The following UFSP2 variants were observed in gnomAD, a reference collection of about 807,000 sequenced individuals.
The protein encoded by UFSP2 is UFM1 specific peptidase 2.
UFSP2 carries 43 observed loss-of-function variants against 60.2 expected under a neutral mutation model. The observed-to-expected ratio is 0.71, with a 90% confidence interval of 0.56 to 0.92. The LOEUF is 0.92. Among genes scored for constraint, UFSP2 ranks in the 40% least tolerant of loss-of-function variants. The pLI is 0.00. For missense variants in UFSP2, 520 were observed against 575.0 expected, an observed-to-expected ratio of 0.90 and a Z score of 0.98; for synonymous variants, 183 against 195.1, an observed-to-expected ratio of 0.94 and a Z score of 0.52.
chr4:185,420,161 C>CT (rs2095546757), intron 2 of UFSP2, among the ~76,000 whole-genome samples: 1 of 126,446 alleles, frequency 7.9e-6, no homozygotes, highest in South Asian at 2.9e-4. Flanking sequence ...AATCAAAGCT[C>CT]TGTGTTCTAA....
intron 2 of UFSP2, among the ~76,000 whole-genome samples, chr4:185,419,348 T>A (rs540112222): frequency 9.5e-4 from 144 of 152,286 alleles, no homozygotes; most frequent in Non-Finnish European, 1.6e-3. Context: ...GCCAGGATGG[T>A]CTCGATCTCC....
At position 185,415,952 on chromosome 4, in the gene UFSP2, A is replaced by G. The variant is rs145749307; in HGVS notation, c.334-85T>C. On this transcript the variant is annotated intron_variant, in intron 4 of 11. Transcript: ENST00000264689. ...AAGTAAAAAGACTTTTCAAAAATGT[A>G]TTTATTATTAAGAAAAAAATTTAAG... The G allele has an allele frequency of 2.9e-5, 35 of 1,195,684 alleles. No individual in the cohort carries two copies. The African/African-American group carries it at 5.2e-4, about 18-fold the overall frequency. 74.1% of individuals were successfully genotyped at this position (1,195,684 alleles called of 1,614,324 possible). A position where few individuals can be genotyped will look rare whatever the true frequency, so the allele number is the denominator to read the frequency against.
At chr4:185,401,704 T>A (rs1334602784) in intron 11 of UFSP2, among the ~76,000 whole-genome samples, 1 of 152,182 alleles carries the variant, frequency 6.6e-6, no homozygotes, top group East Asian at 1.9e-4. Flanking sequence ...TTCTTGTGTA[T>A]ACAAATAGAG....
chr4:185,422,988 A>AT (rs1370628530), intron 1 of UFSP2, among the ~76,000 whole-genome samples: 1 of 152,168 alleles, frequency 6.6e-6, no homozygotes, highest in African/African-American at 2.4e-5. Context: ...CCTCCCATGT[A>AT]GCTGAGATTA....
rs2095519970 is a variant in UFSP2 at position 185,406,017 on chromosome 4, C to T, written c.1122-161G>A. 4 of 1,458,222 alleles carry T rather than the reference C, an allele frequency of 2.7e-6. No homozygotes were observed. The East Asian group carries it at 7.6e-5, about 28-fold the overall frequency. The allele number at this position is 1,458,222 out of a possible 1,614,324, so 90.3% of individuals were successfully genotyped here. A position where few individuals can be genotyped will look rare whatever the true frequency, so the allele number is the denominator to read the frequency against. ...TGTTAGGGAACTGAGAGCAATTAAA[C>T]TGTGCAATTTAAAGCAACATAAACT... On this transcript the variant is annotated intron_variant, in intron 9 of 11. Transcript: ENST00000264689.
chr4:185,404,199 T>TC (rs1156906185), intron 10 of UFSP2, among the ~76,000 whole-genome samples: 1 of 150,658 alleles, frequency 6.6e-6, no homozygotes, highest in African/African-American at 2.4e-5. Flanking sequence ...CATAAACTCC[T>TC]CCCAACAGAG....
intron 2 of UFSP2, among the ~76,000 whole-genome samples, chr4:185,419,854 T>C (rs1417230410): frequency 6.6e-6 from 1 of 152,248 alleles, no homozygotes; most frequent in African/African-American, 2.4e-5. Flanking sequence ...GGCTATCATA[T>C]ATATGCTGCC....
chr4:185,400,551 G>A, intron 11 of UFSP2, 73 bp from the exon 12 acceptor site: 3 of 1,124,268 alleles, frequency 2.7e-6, no homozygotes, highest in South Asian at 1.3e-5. Context: ...CGTGACATCA[G>A]GCTCTGTCAG....
rs867708911 is a variant in UFSP2 at position 185,403,359 on chromosome 4, C to G, written c.1323+135G>C. The G allele has an allele frequency of 4.4e-6, 5 of 1,143,354 alleles. No individual in the cohort carries two copies. The South Asian group carries it at 4.9e-5, about 11-fold the overall frequency. 70.8% of individuals were successfully genotyped at this position (1,143,354 alleles called of 1,614,324 possible). On this transcript the variant is annotated intron_variant, in intron 11 of 11. Coordinates refer to ENST00000264689, the MANE Select transcript of UFSP2 (RefSeq NM_018359.5). ...TTCCCTATACAGAGACGGCTACTTA[C>G]AACAGCCTCAGAAGGCCTCCACACA... is the stretch of plus-strand genomic sequence containing the variant.
intron 2 of UFSP2, among the ~76,000 whole-genome samples, chr4:185,420,354 C>T (rs1419255923): frequency 6.6e-6 from 1 of 152,066 alleles, no homozygotes; most frequent in Non-Finnish European, 1.5e-5. Context: ...AACATTTTTA[C>T]GTTTCCAAAG....
In UFSP2 at chr4:185,400,486, G is replaced by A; in HGVS notation, c.1324-8C>T. On this transcript the variant is annotated splice_region_variant and splice_polypyrimidine_tract_variant and intron_variant, in intron 11 of 11. Transcript: ENST00000264689. ...CTTCCATCCGCACCAGCCCTGGATA[G>A]AGAAGACGGGAAAGGAAAGCCTTTT... The A allele has an allele frequency of 2.5e-6, 4 of 1,604,088 alleles. No homozygotes were observed. The highest frequency in any genetic ancestry group is 3.4e-6 in the Non-Finnish European group (4 of 1,173,364).
At chr4:185,410,376 A>G (rs1385530872) in intron 7 of UFSP2, among the ~76,000 whole-genome samples, 1 of 152,204 alleles carries the variant, frequency 6.6e-6, no homozygotes, top group African/African-American at 2.4e-5. Flanking sequence ...CTGTCCAGGC[A>G]CGGTGGCTCA....
chr4:185,405,839 G>A lies in UFSP2; in HGVS notation c.1139C>T (p.Ala380Val), dbSNP rs1463002699. The change falls in exon 10 of 12, where the codon GCC becomes GTC. Residue 380 changes from alanine to valine, a missense_variant. Ala to Val is a moderately conservative substitution (Grantham distance 64). Transcript: ENST00000264689. Reference protein sequence around the residue: ...ILFVSQGSEIASQGRELANHF... With the variant: ...ILFVSQGSEIVSQGRELANHF... Reference sequence around the variant, plus strand: ...ATTAGCCAGTTCCCGTCCTTGAGAGGCAATTTCTGAACCTTGGCTAGAAAG... The same window carrying A: ...ATTAGCCAGTTCCCGTCCTTGAGAGACAATTTCTGAACCTTGGCTAGAAAG... 1 of 1,613,990 alleles carries A rather than the reference G, an allele frequency of 6.2e-7. No individual in the cohort carries two copies. Among genetic ancestry groups the A allele is most frequent in the East Asian group, 2.2e-5 (1 of 44,850 alleles).
chr4:185,400,729 A>C, intron 11 of UFSP2: 1 of 353,654 alleles, frequency 2.8e-6, no homozygotes, highest in Non-Finnish European at 5.1e-6. Flanking sequence ...TGTAACTGTT[A>C]TTCCAGATAC....
chr4:185,413,712 T>G lies in UFSP2; in HGVS notation c.831+14A>C, dbSNP rs750230737. Reference sequence around the variant, plus strand: ...CTGATCCAGTGACTCCCATAAATAATTAGTTAAACTCACCATACCAGTCTC... The same window carrying G: ...CTGATCCAGTGACTCCCATAAATAAGTAGTTAAACTCACCATACCAGTCTC... On this transcript the variant is annotated intron_variant, in intron 7 of 11. Transcript: ENST00000264689. 2.3e-5 allele frequency: 36 copies of G among 1,596,262 alleles called. No individual in the cohort carries two copies. The highest frequency in any genetic ancestry group is 1.7e-4 in the Middle Eastern group (1 of 5,982).
intron 11 of UFSP2, 41 bp downstream of exon 11, chr4:185,403,450 GCTT>G (rs1374933054): frequency 1.9e-6 from 3 of 1,599,108 alleles, no homozygotes; most frequent in Non-Finnish European, 2.6e-6. Flanking sequence ...TTCATTTCTA[GCTT>G]CTTTGCCTTT....
Position 185,400,010 on chromosome 4 carries a change from A to G in UFSP2, c.*382T>C. The stretch of plus-strand genomic sequence containing the variant: ...AGTTTTTAATGTTAACGTGTTTTTA[A>G]AAACAGATGTCACGTGGGTTATGAA... On this transcript the variant is annotated 3_prime_UTR_variant, in exon 12 of 12. Coordinates refer to ENST00000264689, the MANE Select transcript of UFSP2 (RefSeq NM_018359.5). 6.2e-7 allele frequency: 1 copy of G among 1,602,636 alleles called. No homozygotes were observed. Among genetic ancestry groups the G allele is most frequent in the Non-Finnish European group, 8.5e-7 (1 of 1,177,066 alleles).
At chr4:185,403,983 A>C (rs1460622738) in intron 10 of UFSP2, among the ~76,000 whole-genome samples, 2 of 151,092 alleles carry the variant, frequency 1.3e-5, no homozygotes, top group South Asian at 2.1e-4. Flanking sequence ...AAAAACAAAA[A>C]AAAACAACAT....
At chr4:185,404,004 A>G (rs1030378111) in intron 10 of UFSP2, among the ~76,000 whole-genome samples, 1 of 147,276 alleles carries the variant, frequency 6.8e-6, no homozygotes, top group Non-Finnish European at 1.5e-5. Flanking sequence ...TACTTTGCTT[A>G]TTAACTGATC....
Sources: gnomAD v4.1 joint callset for allele counts (sites outside exome capture counted in the v4.1 genomes callset) on GRCh38, gnomAD v4.1.1 for gene constraint, MANE v1.5 for transcripts, NCBI Gene and HGNC (gene_info 2026-07-23, HGNC 2026-07-21) for gene names.